The following STAU1 variants were observed in gnomAD, a reference collection of about 807,000 sequenced individuals.
The protein encoded by STAU1 is staufen double-stranded RNA binding protein 1.
In STAU1, 13 loss-of-function variants were observed where a neutral mutation model predicts 62.9. The observed-to-expected ratio is 0.21, with a 90% CI of 0.13 to 0.33. STAU1 has a LOEUF of 0.33. Among genes scored for constraint, STAU1 ranks in the 10% least tolerant of loss-of-function variants. The pLI, the probability that STAU1 is intolerant of heterozygous loss-of-function variation, is 1.00. For missense variants in STAU1, 571 were observed against 712.1 expected (o/e 0.80, Z 2.25); for synonymous variants, 269 against 265.1 (o/e 1.01, Z -0.14).
At chr20:49,217,869 T>C in the STAU1 span, among the ~76,000 whole-genome samples, 1 of 151,144 alleles carries the variant, frequency 6.6e-6, no homozygotes, top group Non-Finnish European at 1.5e-5. Context: ...AAAAATAAAA[T>C]AAAATAAAAT....
At chr20:49,181,565 G>C (rs2093724579) in intron 1 of STAU1, among the ~76,000 whole-genome samples, 1 of 151,890 alleles carries the variant, frequency 6.6e-6, no homozygotes, top group Non-Finnish European at 1.5e-5. Flanking sequence ...AGGAGTTCGA[G>C]ACCAGCCTAG....
chr20:49,201,630 T>A, the STAU1 span, among the ~76,000 whole-genome samples: 1 of 151,432 alleles, frequency 6.6e-6, no homozygotes, highest in East Asian at 1.9e-4. Context: ...TAATTCCAGC[T>A]ATTCAGGAGG....
At chr20:49,193,505 T>C in the STAU1 span, among the ~76,000 whole-genome samples, 3 of 152,126 alleles carry the variant, frequency 2.0e-5, no homozygotes, top group Non-Finnish European at 4.4e-5. Flanking sequence ...ACCCCATCTC[T>C]ACTAAAAATA....
chr20:49,217,789 G>C, the STAU1 span, among the ~76,000 whole-genome samples: 1 of 149,664 alleles, frequency 6.7e-6, no homozygotes, highest in African/African-American at 2.4e-5. Context: ...GGAGGCTGCA[G>C]TAAGCCGAGA....
chr20:49,131,296 C>T (rs755434260), intron 6 of STAU1, among the ~76,000 whole-genome samples: 11 of 152,088 alleles, frequency 7.2e-5, no homozygotes, highest in African/African-American at 9.7e-5. Flanking sequence ...GACACTAGAG[C>T]GGAAGAAACA....
At chr20:49,146,949 C>T (rs1328829253) in intron 5 of STAU1, among the ~76,000 whole-genome samples, 1 of 152,152 alleles carries the variant, frequency 6.6e-6, no homozygotes, top group Non-Finnish European at 1.5e-5. Context: ...GACCATACTG[C>T]TCCTAATAGC....
intron 6 of STAU1, 84 bp downstream of exon 6, chr20:49,135,749 T>A: frequency 1.0e-6 from 1 of 979,566 alleles, no homozygotes; most frequent in Non-Finnish European, 1.5e-6. Context: ...ATTATTCCAA[T>A]GATATTTAGG....
At chr20:49,159,906 TTA>T (rs2093422710) in intron 3 of STAU1, among the ~76,000 whole-genome samples, 1 of 152,246 alleles carries the variant, frequency 6.6e-6, no homozygotes, top group Admixed American at 6.5e-5. Context: ...TCAAATAGAA[TTA>T]TGTTTTAAAA....
At chr20:49,194,453 GAAAA>G in the STAU1 span, among the ~76,000 whole-genome samples, 2 of 141,508 alleles carry the variant, frequency 1.4e-5, no homozygotes, top group Admixed American at 7.2e-5. Flanking sequence ...AAAAAGAAAA[GAAAA>G]AGAAAAAAGA....
the STAU1 span, among the ~76,000 whole-genome samples, chr20:49,206,744 TA>T: frequency 2.1e-3 from 272 of 132,070 alleles, 4 homozygotes; most frequent in African/African-American, 7.9e-3. Context: ...TATATATATA[TA>T]TATATATTTT....
At chr20:49,150,003 T>C (rs1048789641) in intron 5 of STAU1, among the ~76,000 whole-genome samples, 2 of 152,210 alleles carry the variant, frequency 1.3e-5, no homozygotes, top group African/African-American at 4.8e-5. Context: ...CCAGAGATAT[T>C]TTCAGGTGGC....
At chr20:49,199,294 G>A in the STAU1 span, among the ~76,000 whole-genome samples, 3 of 151,144 alleles carry the variant, frequency 2.0e-5, no homozygotes, top group East Asian at 2.0e-4. Flanking sequence ...GCAGTGGCGC[G>A]ATCTCGGCTC....
the STAU1 span, among the ~76,000 whole-genome samples, chr20:49,217,159 C>CA: frequency 3.7e-4 from 56 of 151,906 alleles, no homozygotes; most frequent in African/African-American, 1.3e-3. Context: ...CAACCCCCCA[C>CA]TCCCCGGCGC....
intron 1 of STAU1, among the ~76,000 whole-genome samples, chr20:49,179,998 C>T (rs941549783): frequency 6.6e-6 from 1 of 152,186 alleles, no homozygotes; most frequent in African/African-American, 2.4e-5. Flanking sequence ...TTTCACTGAT[C>T]CAGCCTTTCA....
At chr20:49,114,995 AC>A in intron 13 of STAU1, 102 bp from the exon 14 acceptor site, 1 of 1,221,762 alleles carries the variant, frequency 8.2e-7, no homozygotes, top group Non-Finnish European at 1.2e-6. Flanking sequence ...GAAGTACAAT[AC>A]TAAAAGCCCC....
intron 5 of STAU1, among the ~76,000 whole-genome samples, chr20:49,146,723 A>G (rs945692822): frequency 6.6e-6 from 1 of 151,872 alleles, no homozygotes; most frequent in African/African-American, 2.4e-5. Context: ...AAAAAAGGAA[A>G]GAAAGAAACA....
intron 3 of STAU1, among the ~76,000 whole-genome samples, chr20:49,165,068 G>A (rs767290887): frequency 1.8e-4 from 27 of 152,124 alleles, no homozygotes; most frequent in Admixed American, 5.2e-4. Context: ...TTTTTGAGAC[G>A]GAGTCTTGCC....
chr20:49,114,929 G>C, intron 13 of STAU1, 36 bp from the exon 14 acceptor site: 1 of 1,605,938 alleles, frequency 6.2e-7, no homozygotes, highest in Non-Finnish European at 8.5e-7. Flanking sequence ...CACTAGTTTT[G>C]AAATGTAAGA....
chr20:49,198,289 G>A, the STAU1 span, among the ~76,000 whole-genome samples: 648 of 152,096 alleles, frequency 4.3e-3, 1 homozygote, highest in African/African-American at 0.015. Context: ...GCCGAGGTGG[G>A]CAGATTATGA....
Sources: allele counts gnomAD v4.1 joint callset (sites outside exome capture counted in the v4.1 genomes callset), GRCh38; gene constraint gnomAD v4.1.1; transcripts MANE v1.5; gene names NCBI Gene and HGNC (gene_info 2026-07-23, HGNC 2026-07-21).